Variants in PTPRJ observed in about 807,000 individuals in gnomAD.
PTPRJ encodes protein tyrosine phosphatase receptor type J.
Under a neutral mutation model 141.3 loss-of-function variants are expected in PTPRJ, and 129 were observed. The observed-to-expected ratio is 0.91, with a 90% CI of 0.79 to 1.06. PTPRJ has a LOEUF of 1.06. Ranked by LOEUF, PTPRJ falls within the 50% of genes least tolerant of loss-of-function variation. The pLI, the probability that PTPRJ is intolerant of heterozygous loss-of-function variation, is 0.00. For missense variants in PTPRJ, 1,601 were observed against 1,679.7 expected, an observed-to-expected ratio of 0.95 and a Z score of 0.82; for synonymous variants, 610 against 640.5, an observed-to-expected ratio of 0.95 and a Z score of 0.72.
rs146327462 is a variant in PTPRJ at position 47,990,264 on chromosome 11, A to G, written c.96+9256A>G. ...AAATTAAAAGGCTATGTAGAGAACA[A>G]TGTATATATAATGTTACCTTTAAAG... On this transcript the variant is annotated intron_variant, in intron 1 of 24. Coordinates refer to ENST00000418331, the MANE Select transcript of PTPRJ (RefSeq NM_002843.4). Among the ~76,000 whole-genome samples the G allele has an allele frequency of 3.1e-3, 470 of 152,288 alleles. 2 individuals are homozygous for G. The highest frequency in any genetic ancestry group is 6.8e-3 in the Middle Eastern group (2 of 294).
intron 1 of PTPRJ, among the ~76,000 whole-genome samples, chr11:48,089,443 G>A (rs969286798): frequency 1.3e-5 from 2 of 151,198 alleles, no homozygotes; most frequent in African/African-American, 2.4e-5. Flanking sequence ...TTGAACCCGG[G>A]AGGCAGAGGT....
intron 1 of PTPRJ, among the ~76,000 whole-genome samples, chr11:48,092,556 A>G (rs991348057): frequency 1.3e-5 from 2 of 151,790 alleles, no homozygotes; most frequent in South Asian, 4.2e-4. Context: ...CAGCCTCCCA[A>G]GGAGCTGGGA....
At chr11:47,993,519 C>T (rs1416068190) in intron 1 of PTPRJ, among the ~76,000 whole-genome samples, 1 of 151,634 alleles carries the variant, frequency 6.6e-6, no homozygotes, top group Non-Finnish European at 1.5e-5. Flanking sequence ...TGTTGAACTC[C>T]CGACCTCAAG....
rs1565332039 is a variant in PTPRJ at position 48,156,575 on chromosome 11, G to GTTTT, written c.3438+456_3438+457insTTTT. ...TGAACCCCTCCTGCCTCCACCCCAG[G>GTTTT]GTTTTTTTTTTTTTTTTTTTTTTTT... On this transcript the variant is annotated intron_variant, in intron 21 of 24. Coordinates refer to ENST00000418331, the MANE Select transcript of PTPRJ (RefSeq NM_002843.4). 6.5e-5 allele frequency among the ~76,000 whole-genome samples: 8 copies of GTTTT among 123,544 alleles called. 4 individuals carry two copies. Among genetic ancestry groups the GTTTT allele is most frequent in the Admixed American group, 1.7e-4 (2 of 12,000 alleles). The allele number at this position is 123,544 out of a possible 152,430, so 81.0% of individuals were successfully genotyped here. A position where few individuals can be genotyped will look rare whatever the true frequency, so the allele number is the denominator to read the frequency against.
intron 1 of PTPRJ, among the ~76,000 whole-genome samples, chr11:48,041,889 A>G (rs1854279663): frequency 6.8e-6 from 1 of 147,492 alleles, no homozygotes; most frequent in Admixed American, 6.9e-5. Flanking sequence ...TTGGGATTAC[A>G]GGTATGAGCT....
intron 1 of PTPRJ, among the ~76,000 whole-genome samples, chr11:48,058,563 C>T (rs1854824728): frequency 1.3e-5 from 2 of 152,064 alleles, no homozygotes; most frequent in African/African-American, 4.8e-5. Flanking sequence ...AGTCCATCTG[C>T]CAGTCTGTGG....
intron 2 of PTPRJ, among the ~76,000 whole-genome samples, chr11:48,110,548 A>G (rs965227441): frequency 1.2e-4 from 18 of 152,248 alleles, no homozygotes; most frequent in African/African-American, 4.3e-4. Context: ...CAAATGAAAG[A>G]AAAAATTTTA....
chr11:48,119,322 G>A (rs1040277459), intron 3 of PTPRJ, among the ~76,000 whole-genome samples: 3 of 152,210 alleles, frequency 2.0e-5, no homozygotes, highest in South Asian at 2.1e-4. Flanking sequence ...CTGGCATGAC[G>A]TTTATTGAAT....
Position 48,048,617 on chromosome 11 carries a change from A to G in PTPRJ, c.97-61441A>G, listed in dbSNP as rs182457322. ...GACACCAGCCTGGCCAACACGGCGA[A>G]ACCCCGTCTCTACTAAAAATACAAA... On this transcript the variant is annotated intron_variant, in intron 1 of 24. Coordinates refer to ENST00000418331, the MANE Select transcript of PTPRJ (RefSeq NM_002843.4). 4.1e-4 allele frequency among the ~76,000 whole-genome samples: 63 copies of G among 152,164 alleles called. 1 individual carries two copies. In the East Asian group the frequency reaches 0.012, roughly 30 times the overall value.
intron 1 of PTPRJ, among the ~76,000 whole-genome samples, chr11:47,988,055 C>T (rs979508639): frequency 6.6e-6 from 1 of 152,250 alleles, no homozygotes; most frequent in Non-Finnish European, 1.5e-5. Flanking sequence ...ATTTGCGTCT[C>T]CAGGGCAGGA....
intron 24 of PTPRJ, among the ~76,000 whole-genome samples, chr11:48,166,340 G>A (rs185699716): frequency 2.2e-4 from 33 of 151,008 alleles, no homozygotes; most frequent in African/African-American, 7.3e-4. Context: ...TTGAGATGGA[G>A]TCTTGCTCTG....
chr11:48,082,917 T>C (rs892157632), intron 1 of PTPRJ, among the ~76,000 whole-genome samples: 1 of 152,178 alleles, frequency 6.6e-6, no homozygotes, highest in Non-Finnish European at 1.5e-5. Context: ...GTGAATGTGC[T>C]GTATGGGTGC....
chr11:48,115,690 A>C (rs965668453), intron 3 of PTPRJ, among the ~76,000 whole-genome samples: 2 of 152,262 alleles, frequency 1.3e-5, no homozygotes, highest in Non-Finnish European at 2.9e-5. Context: ...TTAATATGAA[A>C]GTTAAAAGAT....
intron 1 of PTPRJ, among the ~76,000 whole-genome samples, chr11:47,992,310 A>G (rs1022221547): frequency 2.0e-5 from 3 of 152,078 alleles, no homozygotes; most frequent in African/African-American, 7.2e-5. Context: ...AGTAGCTGGC[A>G]TTACAGGAGC....
chr11:48,151,239 C>T lies in PTPRJ; in HGVS notation c.3138+1056C>T, dbSNP rs183687629. On this transcript the variant is annotated intron_variant, in intron 18 of 24. Transcript: ENST00000418331. The stretch of plus-strand genomic sequence containing the variant: ...CACTCCCTTCTAAACCTCTGGGCAG[C>T]GCCCTTCCTTGCCTCCGCAGCTTCT... Among the ~76,000 whole-genome samples the T allele has an allele frequency of 5.3e-5, 8 of 152,176 alleles. No homozygotes were observed. In the South Asian group the frequency reaches 1.0e-3, roughly 20 times the overall value.
chr11:48,136,125 G>C lies in PTPRJ; in HGVS notation c.1702G>C (p.Glu568Gln). The C allele has an allele frequency of 6.2e-7, 1 of 1,614,180 alleles. No homozygotes were observed. The highest frequency in any genetic ancestry group is 8.5e-7 in the Non-Finnish European group (1 of 1,180,036). ...LDWKSPDGAS[E>Q]YVYHLVIESK... ...CTGGAAGAGCCCTGACGGTGCTTCC[G>C]AGTATGTCTACCATTTAGTCATAGA... Residue 568 changes from glutamate (E) to glutamine (Q), a missense_variant, in exon 9 of 25, where the codon GAG (glutamate) becomes CAG (glutamine). Coordinates refer to ENST00000418331, the MANE Select transcript of PTPRJ (RefSeq NM_002843.4).
Position 47,988,539 on chromosome 11 carries a change from C to A in PTPRJ, c.96+7531C>A, listed in dbSNP as rs149573726. Reference sequence around the variant, plus strand: ...ACTAGTGTTTTGATGTGTGGATTTACTACAATTTATTTGACCATTCTCCTA... The same window carrying A: ...ACTAGTGTTTTGATGTGTGGATTTAATACAATTTATTTGACCATTCTCCTA... On this transcript the variant is annotated intron_variant, in intron 1 of 24. Coordinates refer to ENST00000418331, the MANE Select transcript of PTPRJ (RefSeq NM_002843.4). Among the ~76,000 whole-genome samples, 41 of 152,088 alleles carry A rather than the reference C, an allele frequency of 2.7e-4. 1 individual carries two copies. The highest frequency in any genetic ancestry group is 1.9e-3 in the South Asian group (9 of 4,816).
chr11:48,107,442 C>T (rs140895988), intron 1 of PTPRJ, among the ~76,000 whole-genome samples: 7 of 152,214 alleles, frequency 4.6e-5, no homozygotes, highest in Non-Finnish European at 1.0e-4. Context: ...TTCCTGGGCA[C>T]ATCTGGGTGA....
At chr11:48,024,836 G>C (rs923920406) in intron 1 of PTPRJ, among the ~76,000 whole-genome samples, 14 of 152,258 alleles carry the variant, frequency 9.2e-5, no homozygotes, top group African/African-American at 1.7e-4. Flanking sequence ...GCAAAGGCAG[G>C]GATCCTGTCT....
Sources: allele counts gnomAD v4.1 joint callset (sites outside exome capture counted in the v4.1 genomes callset), GRCh38; gene constraint gnomAD v4.1.1; transcripts MANE v1.5; gene names NCBI Gene and HGNC (gene_info 2026-07-23, HGNC 2026-07-21).